The following GRID1 variants were observed in gnomAD, a reference collection of about 807,000 sequenced individuals.
GRID1 encodes the protein glutamate receptor ionotropic, delta-1.
GRID1 carries 28 observed loss-of-function variants against 98.0 expected under a neutral mutation model. That is an observed-to-expected ratio of 0.29 (90% CI 0.21 to 0.39). The LOEUF (loss-of-function observed/expected upper bound fraction) is 0.39, where lower values mean the gene tolerates loss of function less well. Among genes scored for constraint, GRID1 ranks in the 10% least tolerant of loss-of-function variants. GRID1 has a pLI of 1.00. For synonymous variants in GRID1, 553 were observed against 538.5 expected, an observed-to-expected ratio of 1.03 and a Z score of -0.37; for missense variants, 1,111 against 1,340.5, an observed-to-expected ratio of 0.83 and a Z score of 2.67.
In GRID1 at chr10:85,916,903, G is replaced by A. The variant is rs533844363; in HGVS notation, c.727-664C>T. Among the ~76,000 whole-genome samples the A allele has an allele frequency of 1.3e-5, 2 of 152,078 alleles. No individual in the cohort carries two copies. The highest frequency in any genetic ancestry group is 4.1e-4 in the South Asian group (2 of 4,822). ...CTCCTCTGCTAGAATATTTCTTATTGTCTATCTCCTCTGCCATTATGTCAA... is the reference window on the plus strand; with the variant it reads ...CTCCTCTGCTAGAATATTTCTTATTATCTATCTCCTCTGCCATTATGTCAA... On this transcript the variant is annotated intron_variant, in intron 4 of 15. Transcript: ENST00000327946. This position sits in a 1 kb window ranked among gnomAD's most constrained non-coding sequence, Gnocchi z 4.0.
At position 85,781,646 on chromosome 10, in the gene GRID1, C is replaced by T. The variant is rs370296464; in HGVS notation, c.1234-52032G>A. Reference sequence around the variant, plus strand: ...TGACTCAGGAAATGCTAACTCATTCCCTCAAGCCTCCTGAGTAAAATCTGT... The same window carrying T: ...TGACTCAGGAAATGCTAACTCATTCTCTCAAGCCTCCTGAGTAAAATCTGT... On this transcript the variant is annotated intron_variant, in intron 8 of 15. Transcript: ENST00000327946. Among the ~76,000 whole-genome samples the T allele has an allele frequency of 9.9e-5, 15 of 152,210 alleles. No individual in the cohort carries two copies. In the South Asian group the frequency reaches 2.9e-3, roughly 29 times the overall value.
At chr10:86,222,608 G>T (rs1448935065) in intron 2 of GRID1, among the ~76,000 whole-genome samples, 3 of 152,184 alleles carry the variant, frequency 2.0e-5, no homozygotes, top group Non-Finnish European at 4.4e-5. Context: ...CGCACCCCAG[G>T]AGAGGCAGCC....
At chr10:86,352,021 G>A (rs1265446049) in intron 2 of GRID1, among the ~76,000 whole-genome samples, 1 of 152,228 alleles carries the variant, frequency 6.6e-6, no homozygotes, top group Non-Finnish European at 1.5e-5. Flanking sequence ...TGACAAAAGG[G>A]GCCAGGCGTG....
At chr10:85,739,719 G>T (rs1841921776) in intron 8 of GRID1, among the ~76,000 whole-genome samples, 1 of 152,194 alleles carries the variant, frequency 6.6e-6, no homozygotes, top group Non-Finnish European at 1.5e-5. Context: ...AGAACTAGAT[G>T]CATCATTGTA....
At chr10:86,247,820 C>G (rs1198803329) in intron 2 of GRID1, among the ~76,000 whole-genome samples, 1 of 152,158 alleles carries the variant, frequency 6.6e-6, no homozygotes, top group East Asian at 1.9e-4. Context: ...TGGCCCAGCA[C>G]TCCTCCTTCA....
chr10:85,952,057 A>G (rs2131844102), intron 4 of GRID1, among the ~76,000 whole-genome samples: 1 of 152,312 alleles, frequency 6.6e-6, no homozygotes, highest in African/African-American at 2.4e-5. Context: ...GAAGCACTAA[A>G]CATTCCATCT....
At chr10:86,182,347 C>T (rs1056395810) in intron 3 of GRID1, among the ~76,000 whole-genome samples, 1 of 152,218 alleles carries the variant, frequency 6.6e-6, no homozygotes, top group South Asian at 2.1e-4. Context: ...ACACTGCATG[C>T]CATTGATCGC....
At chr10:85,603,345 C>T (rs369894135) in intron 15 of GRID1, among the ~76,000 whole-genome samples, 6 of 152,186 alleles carry the variant, frequency 3.9e-5, no homozygotes, top group African/African-American at 1.2e-4. Context: ...GGCAAGGGGG[C>T]GTGGGTTCCT....
At chr10:85,859,242 T>C (rs1296043748) in intron 6 of GRID1, among the ~76,000 whole-genome samples, 1 of 152,226 alleles carries the variant, frequency 6.6e-6, no homozygotes, top group African/African-American at 2.4e-5. Flanking sequence ...TTAATGTATG[T>C]TTCATGGCCG....
chr10:85,768,420 A>AT (rs1431691769), intron 8 of GRID1, among the ~76,000 whole-genome samples: 1 of 151,946 alleles, frequency 6.6e-6, no homozygotes, highest in Non-Finnish European at 1.5e-5. Context: ...TGGTAAAAAA[A>AT]AAATGATAAT....
intron 4 of GRID1, among the ~76,000 whole-genome samples, chr10:85,948,825 G>A (rs1842083363): frequency 6.6e-6 from 1 of 152,122 alleles, no homozygotes; most frequent in Non-Finnish European, 1.5e-5. Context: ...ATAAAAACAT[G>A]TGCTTTAAGG....
At chr10:86,361,281 T>C (rs188950666) in intron 2 of GRID1, among the ~76,000 whole-genome samples, 2 of 152,314 alleles carry the variant, frequency 1.3e-5, no homozygotes, top group East Asian at 1.9e-4. Context: ...CCATCCCTTG[T>C]AGGCATCCAA....
At chr10:85,995,787 A>C (rs117571820) in intron 4 of GRID1, among the ~76,000 whole-genome samples, 46 of 152,338 alleles carry the variant, frequency 3.0e-4, no homozygotes, top group African/African-American at 1.0e-3. Context: ...AGAACCATCA[A>C]AGAGTCCCTC....
chr10:86,229,897 G>A (rs1431685576), intron 2 of GRID1, among the ~76,000 whole-genome samples: 1 of 152,180 alleles, frequency 6.6e-6, no homozygotes, highest in Non-Finnish European at 1.5e-5. Flanking sequence ...CACACATAGA[G>A]TCCTGTCCTC....
At chr10:85,677,778 T>G (rs1488037487) in intron 12 of GRID1, among the ~76,000 whole-genome samples, 1 of 152,076 alleles carries the variant, frequency 6.6e-6, no homozygotes, top group African/African-American at 2.4e-5. Flanking sequence ...AAGAGGAGTG[T>G]TGAAGGAAAA....
At chr10:86,007,816 G>T (rs367968721) in intron 4 of GRID1, among the ~76,000 whole-genome samples, 53 of 142,088 alleles carry the variant, frequency 3.7e-4, no homozygotes, top group African/African-American at 1.4e-3. Context: ...TTTGTTTTTT[G>T]TGTTTTTTTA....
intron 4 of GRID1, among the ~76,000 whole-genome samples, chr10:86,115,596 G>C (rs1396106611): frequency 6.6e-6 from 1 of 152,210 alleles, no homozygotes; most frequent in African/African-American, 2.4e-5. Context: ...ATTCACCTAA[G>C]GTTCTACAGT....
chr10:85,821,536 A>AGC (rs1564600861), intron 8 of GRID1, among the ~76,000 whole-genome samples: 7 of 133,296 alleles, frequency 5.3e-5, no homozygotes, highest in African/African-American at 1.2e-4. Context: ...AAAAAAAAAA[A>AGC]AAAAAAAAAG....
intron 4 of GRID1, among the ~76,000 whole-genome samples, chr10:86,067,692 C>T (rs1294844102): frequency 6.6e-6 from 1 of 152,212 alleles, no homozygotes; most frequent in African/African-American, 2.4e-5. Flanking sequence ...CTGCCTCACA[C>T]AGAAAGGCCT....
Sources: allele counts gnomAD v4.1 joint callset (sites outside exome capture counted in the v4.1 genomes callset), GRCh38; gene constraint gnomAD v4.1.1; non-coding constraint Gnocchi (gnomAD v3.1); transcripts MANE v1.5; gene names NCBI Gene and HGNC (gene_info 2026-07-23, HGNC 2026-07-21).